Variants in CSMD3 observed in about 807,000 individuals in gnomAD.
CSMD3 encodes the protein CUB and sushi domain-containing protein 3.
Under a neutral mutation model 435.2 loss-of-function variants are expected in CSMD3, and 177 were observed. The ratio of observed to expected loss-of-function variants is 0.41; its 90% CI spans 0.36 to 0.46. The LOEUF is 0.46. Ranked by LOEUF, CSMD3 falls within the 20% of genes least tolerant of loss-of-function variation. CSMD3 has a pLI of 0.34. For missense variants in CSMD3, 4,265 were observed against 4,504.6 expected (o/e 0.95, Z 1.52); for synonymous variants, 1,656 against 1,520.5 (o/e 1.09, Z -2.07).
At chr8:112,574,658 G>A (rs1829798711) in intron 23 of CSMD3, among the ~76,000 whole-genome samples, 2 of 151,870 alleles carry the variant, frequency 1.3e-5, no homozygotes, top group Admixed American at 1.3e-4. Context: ...ACCCCCAAAG[G>A]TGTAAAAATT....
intron 11 of CSMD3, among the ~76,000 whole-genome samples, chr8:112,836,579 A>G (rs190636146): frequency 1.2e-4 from 18 of 151,992 alleles, no homozygotes; most frequent in East Asian, 1.2e-3. Flanking sequence ...TCAAAGAAGT[A>G]CAAAAAATCA....
At chr8:112,374,986 T>C (rs922542111) in intron 38 of CSMD3, among the ~76,000 whole-genome samples, 23 of 152,206 alleles carry the variant, frequency 1.5e-4, no homozygotes, top group Non-Finnish European at 2.9e-5. Flanking sequence ...TAAACGCCAT[T>C]CACTTTGAAT....
intron 10 of CSMD3, among the ~76,000 whole-genome samples, chr8:112,883,982 C>A (rs1264792422): frequency 6.6e-6 from 1 of 151,840 alleles, no homozygotes; most frequent in African/African-American, 2.4e-5. Context: ...TAATAGTATG[C>A]CACAGAGCCC....
intron 20 of CSMD3, among the ~76,000 whole-genome samples, chr8:112,639,973 A>G (rs1031711961): frequency 6.6e-6 from 1 of 152,150 alleles, no homozygotes; most frequent in African/African-American, 2.4e-5. Flanking sequence ...GGGAGTAATA[A>G]TATGTGTTCT....
intron 3 of CSMD3, among the ~76,000 whole-genome samples, chr8:113,243,153 T>A (rs2093238128): frequency 6.6e-6 from 1 of 151,874 alleles, no homozygotes; most frequent in African/African-American, 2.4e-5. Flanking sequence ...GAAATATATA[T>A]TAAGCTCCAC....
chr8:112,379,420 G>T (rs1324498219), intron 38 of CSMD3, among the ~76,000 whole-genome samples: 1 of 152,136 alleles, frequency 6.6e-6, no homozygotes, highest in Admixed American at 6.5e-5. Context: ...AGTGAGCCAA[G>T]ATCATGCCAT....
intron 22 of CSMD3, among the ~76,000 whole-genome samples, chr8:112,599,245 G>A (rs1309615961): frequency 6.6e-6 from 1 of 150,916 alleles, no homozygotes; most frequent in East Asian, 1.9e-4. Context: ...AGACATTTAT[G>A]CAGCCAAAAA....
chr8:112,411,731 C>A (rs1811374621), intron 32 of CSMD3, among the ~76,000 whole-genome samples: 1 of 151,968 alleles, frequency 6.6e-6, no homozygotes, highest in South Asian at 2.1e-4. Flanking sequence ...ATTTGCTTCT[C>A]CATTCTGTCT....
At chr8:112,588,684 T>C (rs1830931845) in intron 22 of CSMD3, among the ~76,000 whole-genome samples, 1 of 152,140 alleles carries the variant, frequency 6.6e-6, no homozygotes, top group African/African-American at 2.4e-5. Flanking sequence ...TAAAATTAAA[T>C]CGCCTTTGGC....
intron 10 of CSMD3, among the ~76,000 whole-genome samples, chr8:112,878,311 GA>G (rs2130159432): frequency 1.3e-5 from 2 of 152,128 alleles, no homozygotes; most frequent in South Asian, 4.2e-4. Flanking sequence ...CAAACATATT[GA>G]AAAAAGCTCA....
At chr8:113,436,229 CA>C (rs2094705353) in intron 1 of CSMD3, among the ~76,000 whole-genome samples, 1 of 152,324 alleles carries the variant, frequency 6.6e-6, no homozygotes, top group African/African-American at 2.4e-5. Flanking sequence ...AAAATCAACA[CA>C]TTCCTAGCAC....
intron 3 of CSMD3, among the ~76,000 whole-genome samples, chr8:113,247,064 C>A (rs2132275240): frequency 6.6e-6 from 1 of 152,294 alleles, no homozygotes; most frequent in South Asian, 2.1e-4. Context: ...TGTGCACTTT[C>A]TTATGTCTGT....
chr8:113,328,124 A>G (rs1409779896), intron 1 of CSMD3, among the ~76,000 whole-genome samples: 1 of 151,904 alleles, frequency 6.6e-6, no homozygotes, highest in East Asian at 1.9e-4. Flanking sequence ...CACACACCAG[A>G]GAGAAAACCT....
intron 5 of CSMD3, among the ~76,000 whole-genome samples, chr8:113,022,678 A>G (rs1241408686): frequency 6.6e-6 from 1 of 151,710 alleles, no homozygotes; most frequent in Non-Finnish European, 1.5e-5. Context: ...TATATCAAGA[A>G]AAATATGGTC....
At chr8:112,320,939 C>T (rs917567731) in intron 45 of CSMD3, among the ~76,000 whole-genome samples, 1 of 152,096 alleles carries the variant, frequency 6.6e-6, no homozygotes, top group Non-Finnish European at 1.5e-5. Context: ...AACAGTTCAT[C>T]TCATTGGATT....
chr8:112,883,497 T>G (rs2130235795), intron 10 of CSMD3, among the ~76,000 whole-genome samples: 1 of 152,058 alleles, frequency 6.6e-6, no homozygotes, highest in Non-Finnish European at 1.5e-5. Context: ...GTTTAAAAAA[T>G]AAAAATCACT....
intron 32 of CSMD3, among the ~76,000 whole-genome samples, chr8:112,418,696 G>A (rs913749400): frequency 1.3e-5 from 2 of 152,072 alleles, no homozygotes; most frequent in Admixed American, 1.3e-4. Context: ...AAATCAATGA[G>A]CTACTGTTTT....
chr8:112,925,437 C>T (rs2082879253), intron 9 of CSMD3, among the ~76,000 whole-genome samples: 1 of 151,892 alleles, frequency 6.6e-6, no homozygotes, highest in Admixed American at 6.6e-5. Context: ...TTGGCGGGCA[C>T]CTGTAGTCCC....
intron 9 of CSMD3, among the ~76,000 whole-genome samples, chr8:112,926,646 T>A (rs2082920706): frequency 2.0e-5 from 3 of 152,076 alleles, no homozygotes; most frequent in Non-Finnish European, 2.9e-5. Context: ...GATATGAGGT[T>A]TTTCAAAATA....
Sources: gnomAD v4.1 joint callset for allele counts (sites outside exome capture counted in the v4.1 genomes callset) on GRCh38, gnomAD v4.1.1 for gene constraint, MANE v1.5 for transcripts, NCBI Gene and HGNC (gene_info 2026-07-23, HGNC 2026-07-21) for gene names.